CADM2: variants seen among roughly 807,000 people sequenced by gnomAD.
CADM2 encodes the protein immunoglobulin superfamily member 4D.
In CADM2, 12 loss-of-function variants were observed where a neutral mutation model predicts 49.8. The observed-to-expected ratio is 0.24, with a 90% confidence interval of 0.15 to 0.39. CADM2 has a LOEUF of 0.39. Ranked by LOEUF, CADM2 falls within the 10% of genes least tolerant of loss-of-function variation. The pLI is 1.00. For synonymous variants in CADM2, 214 were observed against 175.4 expected (o/e 1.22, Z -1.74); for missense variants, 378 against 492.3 (o/e 0.77, Z 2.20).
At chr3:85,490,233 A>G (rs1484116530) in intron 1 of CADM2, among the ~76,000 whole-genome samples, 1 of 152,160 alleles carries the variant, frequency 6.6e-6, no homozygotes, top group Admixed American at 6.5e-5. Context: ...ATTAGGCTAT[A>G]GAAGCAAGAT....
At chr3:85,230,743 C>T (rs575868429) in intron 1 of CADM2, among the ~76,000 whole-genome samples, 2 of 152,236 alleles carry the variant, frequency 1.3e-5, no homozygotes, top group East Asian at 3.9e-4. Flanking sequence ...GCATAATCTT[C>T]TTAAAATATC....
chr3:85,465,593 T>C (rs1295768952), intron 1 of CADM2, among the ~76,000 whole-genome samples: 1 of 152,200 alleles, frequency 6.6e-6, no homozygotes, highest in Admixed American at 6.5e-5. Context: ...TTTACCAATT[T>C]GGAAATTAAG....
chr3:85,968,440 A>G (rs1297109170), intron 8 of CADM2, among the ~76,000 whole-genome samples: 1 of 151,652 alleles, frequency 6.6e-6, no homozygotes, highest in African/African-American at 2.4e-5. Context: ...TAGGTACACT[A>G]AGGTTTCTGC....
rs145436462 is a variant in CADM2, at chr3:85,912,491, C to T, written c.648C>T (p.His216=). ...DGVAVICRVD[H]ESLNATPQVA... Reference sequence around the variant, plus strand: ...TGGCGGTCATCTGCAGAGTAGATCACGAATCCCTCAATGCCACCCCTCAGG... The same window carrying T: ...TGGCGGTCATCTGCAGAGTAGATCATGAATCCCTCAATGCCACCCCTCAGG... Residue 216 remains histidine, a synonymous_variant, in exon 6 of 10, where the codon CAC becomes CAT. Transcript: ENST00000383699. The T allele has an allele frequency of 2.5e-6, 4 of 1,613,762 alleles. No individual in the cohort carries two copies. The highest frequency in any genetic ancestry group is 1.3e-5 in the African/African-American group (1 of 74,900).
chr3:85,243,727 G>A (rs1242682222), intron 1 of CADM2, among the ~76,000 whole-genome samples: 1 of 151,890 alleles, frequency 6.6e-6, no homozygotes, highest in East Asian at 1.9e-4. Context: ...TATAATAAAG[G>A]AGAAAAAATT....
intron 1 of CADM2, among the ~76,000 whole-genome samples, chr3:85,362,024 G>GCT (rs2032395862): frequency 6.6e-6 from 1 of 152,164 alleles, no homozygotes; most frequent in Non-Finnish European, 1.5e-5. Flanking sequence ...ATTACCAACA[G>GCT]CTCTGGAGGA....
intron 1 of CADM2, among the ~76,000 whole-genome samples, chr3:85,043,968 A>G (rs17022343): frequency 0.064 from 9,747 of 152,174 alleles, 1,046 homozygotes; most frequent in African/African-American, 0.22. Flanking sequence ...ATGTCATACT[A>G]TGTACCTGGG....
chr3:85,438,097 C>A (rs1007667979), intron 1 of CADM2, among the ~76,000 whole-genome samples: 5 of 151,922 alleles, frequency 3.3e-5, no homozygotes, highest in Non-Finnish European at 7.4e-5. Flanking sequence ...GATTGGAATA[C>A]AGAAAATAGA....
chr3:85,472,750 C>T (rs2038821341), intron 1 of CADM2, among the ~76,000 whole-genome samples: 1 of 151,996 alleles, frequency 6.6e-6, no homozygotes, highest in African/African-American at 2.4e-5. Flanking sequence ...ACTAAAACTA[C>T]ACATGGTAGA....
chr3:85,009,100 C>A (rs1176282425), intron 1 of CADM2, among the ~76,000 whole-genome samples: 1 of 152,134 alleles, frequency 6.6e-6, no homozygotes, highest in African/African-American at 2.4e-5. Flanking sequence ...TAGAGCAGGG[C>A]TTGTTCACAG....
chr3:85,626,677 CTG>C (rs764859393), intron 1 of CADM2, among the ~76,000 whole-genome samples: 21 of 152,024 alleles, frequency 1.4e-4, no homozygotes, highest in Non-Finnish European at 2.1e-4. Context: ...ACTCAAAAAT[CTG>C]TAAATTGCAG....
chr3:85,019,541 C>A (rs115466652), intron 1 of CADM2, among the ~76,000 whole-genome samples: 2 of 152,148 alleles, frequency 1.3e-5, no homozygotes, highest in Non-Finnish European at 2.9e-5. Flanking sequence ...CCTGAGCAAA[C>A]CAAAACAATT....
At chr3:85,847,411 A>C (rs959318375) in intron 3 of CADM2, among the ~76,000 whole-genome samples, 11 of 152,224 alleles carry the variant, frequency 7.2e-5, no homozygotes, top group African/African-American at 2.7e-4. Context: ...TGATTAGCAC[A>C]TGGCAAGATT....
At chr3:85,927,098 T>C (rs1283811988) in intron 6 of CADM2, among the ~76,000 whole-genome samples, 4 of 152,200 alleles carry the variant, frequency 2.6e-5, no homozygotes, top group African/African-American at 9.6e-5. Flanking sequence ...AGCCAATGCA[T>C]ACAGAGCAAT....
At chr3:85,637,001 A>G (rs557192414) in intron 1 of CADM2, among the ~76,000 whole-genome samples, 1 of 152,176 alleles carries the variant, frequency 6.6e-6, no homozygotes, top group Admixed American at 6.6e-5. Context: ...TTGAATACCT[A>G]TTATATCCCA....
intron 8 of CADM2, among the ~76,000 whole-genome samples, chr3:86,053,395 T>C (rs1737555199): frequency 6.6e-6 from 1 of 152,194 alleles, no homozygotes; most frequent in South Asian, 2.1e-4. Context: ...TTGGTCATTT[T>C]GGAAAATAGG....
rs1026748710 is a variant in CADM2 at position 85,172,721 on chromosome 3, C to G, written c.61+213053C>G. Reference sequence around the variant, plus strand: ...TTAATAGGGAGATTTAAGTGATGGTCTGATCTATGGCTGCTGCTGTTGGAA... The same window carrying G: ...TTAATAGGGAGATTTAAGTGATGGTGTGATCTATGGCTGCTGCTGTTGGAA... On this transcript the variant is annotated intron_variant, in intron 1 of 9. Transcript: ENST00000383699. Among the ~76,000 whole-genome samples the G allele has an allele frequency of 3.3e-5, 5 of 151,536 alleles. No homozygotes were observed. The Admixed American group carries it at 3.3e-4, about 10-fold the overall frequency.
intron 7 of CADM2, among the ~76,000 whole-genome samples, chr3:85,951,384 T>C (rs1309048718): frequency 2.6e-5 from 4 of 151,052 alleles, no homozygotes; most frequent in African/African-American, 9.7e-5. Context: ...AGAGTTTACT[T>C]CATCTGGGTA....
At chr3:85,765,076 A>G (rs1349367480) in intron 2 of CADM2, among the ~76,000 whole-genome samples, 4 of 152,176 alleles carry the variant, frequency 2.6e-5, no homozygotes, top group African/African-American at 7.2e-5. Flanking sequence ...TGAATTTTTA[A>G]TATTATTCCC....
Sources: gnomAD v4.1 joint callset for allele counts (sites outside exome capture counted in the v4.1 genomes callset) on GRCh38, gnomAD v4.1.1 for gene constraint, MANE v1.5 for transcripts, NCBI Gene and HGNC (gene_info 2026-07-23, HGNC 2026-07-21) for gene names.